RPTOR: variants seen among roughly 807,000 people sequenced by gnomAD.
RPTOR encodes the protein regulatory associated protein of MTOR complex 1, also known as regulatory-associated protein of mTOR.
Under a neutral mutation model 169.9 loss-of-function variants are expected in RPTOR, and 21 were observed. That is an observed-to-expected ratio of 0.12 (90% confidence interval 0.09 to 0.18). The LOEUF is 0.18. Among genes scored for constraint, RPTOR ranks in the 10% least tolerant of loss-of-function variants. The pLI, the probability that RPTOR is intolerant of heterozygous loss-of-function variation, is 1.00. For synonymous variants in RPTOR, 732 were observed against 753.2 expected, an observed-to-expected ratio of 0.97 and a Z score of 0.46; for missense variants, 1,133 against 1,855.9, an observed-to-expected ratio of 0.61 and a Z score of 7.16.
intron 4 of RPTOR, among the ~76,000 whole-genome samples, chr17:80,710,980 G>T (rs1439635943): frequency 1.3e-5 from 2 of 152,200 alleles, no homozygotes; most frequent in Non-Finnish European, 2.9e-5. Flanking sequence ...AGCTCTCTGG[G>T]TGGTATTTTG....
intron 24 of RPTOR, among the ~76,000 whole-genome samples, chr17:80,938,350 C>T (rs2068980002): frequency 6.6e-6 from 1 of 152,222 alleles, no homozygotes; most frequent in Non-Finnish European, 1.5e-5. Flanking sequence ...CCCATCAGTT[C>T]CTCTCCCTTC....
At position 80,823,505 on chromosome 17, in the gene RPTOR, G is replaced by A. The variant is rs923814621; in HGVS notation, c.1136+282G>A. ...CTGCAACTCGGGAGGGTAGCACTTT[G>A]CAAGAGAGTTTCTAACCTTTTAGAA... is the stretch of plus-strand genomic sequence containing the variant. On this transcript the variant is annotated intron_variant, in intron 9 of 33. Coordinates refer to ENST00000306801, the MANE Select transcript of RPTOR (RefSeq NM_020761.3). This position sits in a 1 kb window ranked among gnomAD's most constrained non-coding sequence, Gnocchi z 4.5. The A allele has an allele frequency of 3.1e-5, 10 of 322,876 alleles. No homozygotes were observed. The highest frequency in any genetic ancestry group is 2.1e-4 in the African/African-American group (10 of 47,760). The allele number at this position is 322,876 out of a possible 1,614,324, so 20.0% of individuals were successfully genotyped here. A position where few individuals can be genotyped will look rare whatever the true frequency, so the allele number is the denominator to read the frequency against.
At chr17:80,574,139 GGTTTTTTTTTTCTTTTTTCTTT>G (rs2064936131) in intron 1 of RPTOR, among the ~76,000 whole-genome samples, 1 of 151,118 alleles carries the variant, frequency 6.6e-6, no homozygotes, top group African/African-American at 2.4e-5. Context: ...CTTTTAAGAT[GGTTTTTTTTTTCTTTTTTCTTT>G]TTTTTTTTTT....
intron 28 of RPTOR, among the ~76,000 whole-genome samples, chr17:80,952,351 C>G (rs2069189877): frequency 6.6e-6 from 1 of 152,204 alleles, no homozygotes. Flanking sequence ...CACGGAGGGC[C>G]CACAGCACAT....
intron 1 of RPTOR, among the ~76,000 whole-genome samples, chr17:80,620,255 A>T (rs2143516296): frequency 6.6e-6 from 1 of 152,332 alleles, no homozygotes; most frequent in Admixed American, 6.5e-5. Flanking sequence ...ATGTCATCTT[A>T]AATTACATTG....
intron 9 of RPTOR, among the ~76,000 whole-genome samples, chr17:80,828,471 G>A (rs1159706489): frequency 6.6e-6 from 1 of 152,220 alleles, no homozygotes; most frequent in Non-Finnish European, 1.5e-5. Context: ...TGACTCCCAC[G>A]CTTCGATGCC....
At chr17:80,564,233 T>C (rs763182919) in intron 1 of RPTOR, among the ~76,000 whole-genome samples, 12 of 152,160 alleles carry the variant, frequency 7.9e-5, no homozygotes, top group Non-Finnish European at 1.3e-4. Context: ...TGGCTAATTT[T>C]TTGTATTTTT....
intron 9 of RPTOR, among the ~76,000 whole-genome samples, chr17:80,827,350 C>G (rs1458780724): frequency 4.6e-5 from 7 of 152,230 alleles, no homozygotes; most frequent in African/African-American, 1.7e-4. Context: ...GCCTCCAGAT[C>G]CAGTTCCTGT....
rs922925222 is a variant in RPTOR, at chr17:80,891,468, C to G, written c.1984-252C>G. 2.0e-5 allele frequency among the ~76,000 whole-genome samples: 3 copies of G among 152,356 alleles called. No individual in the cohort carries two copies. In the East Asian group the frequency reaches 5.8e-4, roughly 29 times the overall value. ...GAGACCCCCGATGCGTCGTGCGCCT[C>G]TAGCAGTGGGGAGGATTCTGGCAGG... is the stretch of plus-strand genomic sequence containing the variant. On this transcript the variant is annotated intron_variant, in intron 17 of 33. Transcript: ENST00000306801.
At chr17:80,895,430 A>G (rs1175282128) in intron 20 of RPTOR, among the ~76,000 whole-genome samples, 1 of 152,134 alleles carries the variant, frequency 6.6e-6, no homozygotes, top group African/African-American at 2.4e-5. Flanking sequence ...CTGTACGTGT[A>G]ACTTGTTCAT....
intron 13 of RPTOR, among the ~76,000 whole-genome samples, chr17:80,872,268 A>G (rs763804548): frequency 2.0e-5 from 3 of 152,258 alleles, no homozygotes; most frequent in Non-Finnish European, 1.5e-5. Flanking sequence ...TCGTTTGGAA[A>G]GTAGCACTGC....
chr17:80,630,739 C>T (rs867645227), intron 2 of RPTOR, among the ~76,000 whole-genome samples: 2 of 152,236 alleles, frequency 1.3e-5, no homozygotes, highest in Non-Finnish European at 2.9e-5. Context: ...GCACAGTCCT[C>T]GTGCATTAGG....
Position 80,635,143 on chromosome 17 carries a change from C to T in RPTOR, c.266-8585C>T, listed in dbSNP as rs546274080. On this transcript the variant is annotated intron_variant, in intron 2 of 33. Transcript: ENST00000306801. ...CCTCCTGTGTGAACCCTCTTCTCCT[C>T]TCTGCCATTGCTGCTCCTCTCAGAC... Among the ~76,000 whole-genome samples the T allele has an allele frequency of 2.6e-5, 4 of 152,332 alleles. No individual in the cohort carries two copies. In the East Asian group the frequency reaches 7.7e-4, roughly 29 times the overall value.
intron 6 of RPTOR, among the ~76,000 whole-genome samples, chr17:80,771,086 G>A (rs1391754433): frequency 1.2e-4 from 19 of 152,178 alleles, no homozygotes; most frequent in Admixed American, 3.9e-4. Context: ...TGAAGAGTCC[G>A]CTGCAGAGCT....
intron 5 of RPTOR, among the ~76,000 whole-genome samples, chr17:80,741,023 G>A (rs2066477450): frequency 6.6e-6 from 1 of 152,244 alleles, no homozygotes; most frequent in Non-Finnish European, 1.5e-5. Context: ...TAAAACAGAT[G>A]GGTAATAACA....
intron 1 of RPTOR, among the ~76,000 whole-genome samples, chr17:80,574,218 G>A (rs1267671289): frequency 2.2e-5 from 3 of 137,952 alleles, no homozygotes. Context: ...ACTGCGGACT[G>A]CAGTGGCGCA....
Position 80,945,585 on chromosome 17 carries a change from C to G in RPTOR, c.3026-82C>G, listed in dbSNP as rs186549709. 1.6e-4 allele frequency: 142 copies of G among 868,738 alleles called. No homozygotes were observed. The East Asian group carries it at 4.1e-3, about 25-fold the overall frequency. The allele number at this position is 868,738 out of a possible 1,614,324, so 53.8% of individuals were successfully genotyped here. A position where few individuals can be genotyped will look rare whatever the true frequency, so the allele number is the denominator to read the frequency against. On this transcript the variant is annotated intron_variant, in intron 25 of 33. Coordinates refer to ENST00000306801, the MANE Select transcript of RPTOR (RefSeq NM_020761.3). The stretch of plus-strand genomic sequence containing the variant: ...CCAGCCTGGGCGACAGAGCGAGACT[C>G]CGTCTCAAAAAAAATAAATAAATAA...
At chr17:80,671,136 C>T (rs2065818650) in intron 3 of RPTOR, among the ~76,000 whole-genome samples, 1 of 152,206 alleles carries the variant, frequency 6.6e-6, no homozygotes, top group African/African-American at 2.4e-5. Context: ...AAGTCACATC[C>T]TGCTTCCTCT....
chr17:80,894,001 A>T (rs943616574), intron 20 of RPTOR, 136 bp downstream of exon 20: 2 of 894,850 alleles, frequency 2.2e-6, no homozygotes, highest in Non-Finnish European at 3.2e-6. Flanking sequence ...AAAGGTCAAC[A>T]GGACTGCGAG....
Sources: gnomAD v4.1 joint callset for allele counts (sites outside exome capture counted in the v4.1 genomes callset) on GRCh38, gnomAD v4.1.1 for gene constraint, Gnocchi (gnomAD v3.1) non-coding constraint, MANE v1.5 for transcripts, NCBI Gene and HGNC (gene_info 2026-07-23, HGNC 2026-07-21) for gene names.